Variants in TIAM2 observed in about 807,000 individuals in gnomAD.
The protein encoded by TIAM2 is TIAM Rac1 associated GEF 2.
A neutral mutation model predicts 152.9 loss-of-function variants in TIAM2; 80 were observed. The ratio of observed to expected loss-of-function variants is 0.52; its 90% CI spans 0.44 to 0.63. The LOEUF is 0.63. Among genes scored for constraint, TIAM2 ranks in the 30% least tolerant of loss-of-function variants. The probability of loss-of-function intolerance (pLI) is 0.00; values close to 1 mark genes in which losing one functional copy is unlikely to be tolerated. For missense variants in TIAM2, 1,965 were observed against 2,120.1 expected, an observed-to-expected ratio of 0.93 and a Z score of 1.44; for synonymous variants, 804 against 838.0, an observed-to-expected ratio of 0.96 and a Z score of 0.70.
intron 2 of TIAM2, among the ~76,000 whole-genome samples, chr6:155,095,921 T>G (rs2114986466): frequency 6.6e-6 from 1 of 152,338 alleles, no homozygotes; most frequent in South Asian, 2.1e-4. Flanking sequence ...CAGTAGCTAG[T>G]ATTTATAAGC....
chr6:155,130,545 A>G, intron 4 of TIAM2, 128 bp downstream of exon 4: 2 of 815,758 alleles, frequency 2.5e-6, no homozygotes, highest in Middle Eastern at 3.8e-4. Flanking sequence ...TGAAGAGTTC[A>G]GTGGAAAGCC....
At chr6:155,077,576 T>C (rs1247986447) in intron 1 of TIAM2, among the ~76,000 whole-genome samples, 1 of 152,178 alleles carries the variant, frequency 6.6e-6, no homozygotes, top group African/African-American at 2.4e-5. Flanking sequence ...TATTTCGAAG[T>C]TTTTATTAGT....
intron 2 of TIAM2, among the ~76,000 whole-genome samples, chr6:155,125,748 G>T (rs1448233202): frequency 3.3e-5 from 5 of 151,978 alleles, no homozygotes; most frequent in Admixed American, 6.5e-5. Context: ...TGAGGCAGGG[G>T]AGTCACTTGG....
intron 1 of TIAM2, chr6:155,005,293 A>C (rs933438776): frequency 3.0e-4 from 66 of 216,988 alleles, no homozygotes; most frequent in East Asian, 1.1e-4. Flanking sequence ...CCAGAGGGCC[A>C]GGAATCTTGG....
At chr6:155,166,321 C>CTTTT (rs764098752) in intron 9 of TIAM2, among the ~76,000 whole-genome samples, 58 of 144,008 alleles carry the variant, frequency 4.0e-4, no homozygotes, top group African/African-American at 1.4e-3. Flanking sequence ...CTTTTCTTCT[C>CTTTT]TTTTTTTTTT....
At chr6:155,148,572 T>A (rs1434160742) in intron 7 of TIAM2, among the ~76,000 whole-genome samples, 1 of 152,216 alleles carries the variant, frequency 6.6e-6, no homozygotes, top group Non-Finnish European at 1.5e-5. Context: ...TACTGAAATA[T>A]TTTGTGACCC....
intron 1 of TIAM2, among the ~76,000 whole-genome samples, chr6:155,076,609 A>G (rs961747460): frequency 2.0e-5 from 3 of 152,174 alleles, no homozygotes; most frequent in Admixed American, 2.0e-4. Flanking sequence ...CAACTAGGAG[A>G]ACAGCAAAAT....
At chr6:155,050,951 T>C (rs960817574) in intron 1 of TIAM2, among the ~76,000 whole-genome samples, 3 of 152,214 alleles carry the variant, frequency 2.0e-5, no homozygotes, top group Non-Finnish European at 4.4e-5. Context: ...GTTCTCAAGA[T>C]GTAACAGAAT....
intron 2 of TIAM2, among the ~76,000 whole-genome samples, chr6:155,113,323 C>A (rs1583196801): frequency 6.6e-6 from 1 of 152,138 alleles, no homozygotes; most frequent in South Asian, 2.1e-4. Context: ...AGAGAGGCTT[C>A]CTCGCCTTTT....
At chr6:155,039,911 C>G (rs935319491) in intron 1 of TIAM2, among the ~76,000 whole-genome samples, 1 of 152,170 alleles carries the variant, frequency 6.6e-6, no homozygotes, top group Non-Finnish European at 1.5e-5. Context: ...AGCGCCTAGG[C>G]ACGGAAAATG....
intron 12 of TIAM2, among the ~76,000 whole-genome samples, chr6:155,180,841 T>C (rs1249518013): frequency 6.6e-6 from 1 of 152,098 alleles, no homozygotes; most frequent in Non-Finnish European, 1.5e-5. Flanking sequence ...ACTCCTGGAC[T>C]CAAGTGATCC....
At chr6:155,031,534 G>C (rs1454156341) in intron 1 of TIAM2, among the ~76,000 whole-genome samples, 1 of 152,172 alleles carries the variant, frequency 6.6e-6, no homozygotes, top group South Asian at 2.1e-4. Context: ...AGCAGCCTGG[G>C]TAACATGGCT....
chr6:155,250,784 CA>C, intron 21 of TIAM2, 128 bp from the exon 22 acceptor site: 1 of 1,140,366 alleles, frequency 8.8e-7, no homozygotes, highest in Non-Finnish European at 1.3e-6. Context: ...CCCATGTTTA[CA>C]GGTATCATAA....
chr6:155,190,010 G>C (rs1378126579), intron 14 of TIAM2, among the ~76,000 whole-genome samples: 1 of 152,178 alleles, frequency 6.6e-6, no homozygotes, highest in Admixed American at 6.5e-5. Context: ...CGGGAAGAAA[G>C]GTTGGAAAGT....
At position 155,006,162 on chromosome 6, in the gene TIAM2, C is replaced by T. The variant is rs142669788; in HGVS notation, c.-209+10670C>T. ...CTGATTAGTTTTACAGATGGGAGGCCGACCCACGGCAGAGCTGGTGATCAG... is the reference window on the plus strand; with the variant it reads ...CTGATTAGTTTTACAGATGGGAGGCTGACCCACGGCAGAGCTGGTGATCAG... On this transcript the variant is annotated intron_variant, in intron 1 of 26. Coordinates refer to ENST00000682666, the MANE Select transcript of TIAM2 (RefSeq NM_012454.4). Among the ~76,000 whole-genome samples, 903 of 152,176 alleles carry T rather than the reference C, an allele frequency of 5.9e-3. 9 individuals are homozygous for T. Among genetic ancestry groups the T allele is most frequent in the African/African-American group, 0.02 (836 of 41,522 alleles).
intron 1 of TIAM2, among the ~76,000 whole-genome samples, chr6:155,053,229 G>A (rs1382233796): frequency 6.6e-6 from 1 of 152,200 alleles, no homozygotes. Context: ...TTTGCAGAAA[G>A]AGCAAAGGAG....
chr6:155,047,726 CGA>C (rs763117085), intron 1 of TIAM2, among the ~76,000 whole-genome samples: 1,880 of 36,884 alleles, frequency 0.051, 28 homozygotes, highest in Non-Finnish European at 0.082. Flanking sequence ...AGAGAGAGAG[CGA>C]GAGAGAGAGA....
At chr6:155,040,356 C>CA (rs1197468020) in intron 1 of TIAM2, among the ~76,000 whole-genome samples, 19 of 152,128 alleles carry the variant, frequency 1.2e-4, no homozygotes, top group Admixed American at 1.2e-3. Context: ...TTGAAAGCAC[C>CA]ACTTAGTGAC....
chr6:155,057,749 T>A lies in TIAM2; in HGVS notation c.-208-32540T>A, dbSNP rs566509595. On this transcript the variant is annotated intron_variant, in intron 1 of 26. Transcript: ENST00000682666. ...TTAGTAGAGATGGGGTTCCACTATG[T>A]TCACCAGGCTGGTCTGGAACCCCTG... Among the ~76,000 whole-genome samples, 4 of 151,968 alleles carry A rather than the reference T, an allele frequency of 2.6e-5. No homozygotes were observed. The South Asian group carries it at 8.3e-4, about 32-fold the overall frequency.
Sources: gnomAD v4.1 joint callset for allele counts (sites outside exome capture counted in the v4.1 genomes callset) on GRCh38, gnomAD v4.1.1 for gene constraint, MANE v1.5 for transcripts, NCBI Gene and HGNC (gene_info 2026-07-23, HGNC 2026-07-21) for gene names.